WWOX: variants seen among roughly 807,000 people sequenced by gnomAD.
The protein encoded by WWOX is WW domain-containing oxidoreductase.
Under a neutral mutation model 46.2 loss-of-function variants are expected in WWOX, and 69 were observed. The observed-to-expected ratio is 1.49, with a 90% CI of 1.23 to 1.82. The LOEUF (loss-of-function observed/expected upper bound fraction) is 1.82. WWOX is among the 40% of genes most tolerant of loss of function. The probability of loss-of-function intolerance (pLI) is 0.00; values close to 1 mark genes in which losing one functional copy is unlikely to be tolerated. For missense variants in WWOX, 919 were observed against 542.6 expected (o/e 1.69, Z -6.89); for synonymous variants, 359 against 202.6 (o/e 1.77, Z -6.56).
At chr16:79,150,898 A>C (rs1431296099) in intron 8 of WWOX, among the ~76,000 whole-genome samples, 2 of 152,162 alleles carry the variant, frequency 1.3e-5, no homozygotes, top group African/African-American at 2.4e-5. Context: ...TCCAGATTCA[A>C]CCTGCAGGCC....
chr16:79,198,301 G>A (rs776955568), intron 8 of WWOX, among the ~76,000 whole-genome samples: 1 of 152,180 alleles, frequency 6.6e-6, no homozygotes, highest in African/African-American at 2.4e-5. Context: ...TTGCGCCACT[G>A]TACTCCAGCC....
At position 78,528,001 on chromosome 16, in the gene WWOX, T is replaced by G. The variant is rs561966719; in HGVS notation, c.1056+95249T>G. Among the ~76,000 whole-genome samples, 690 of 98,582 alleles carry G rather than the reference T, an allele frequency of 7.0e-3. 40 individuals are homozygous for G. The highest frequency in any genetic ancestry group is 0.027 in the African/African-American group (670 of 25,258). 64.7% of individuals were successfully genotyped at this position (98,582 alleles called of 152,430 possible). A position where few individuals can be genotyped will look rare whatever the true frequency, so the allele number is the denominator to read the frequency against. ...GGACTGGTACATGTCCTTTTTTTTT[T>G]TTTTTTTTTTTTTTTGAGACGGAGT... On this transcript the variant is annotated intron_variant, in intron 8 of 8. Coordinates refer to ENST00000566780, the MANE Select transcript of WWOX (RefSeq NM_016373.4).
At chr16:78,519,170 C>G (rs1486023303) in intron 8 of WWOX, among the ~76,000 whole-genome samples, 2 of 152,142 alleles carry the variant, frequency 1.3e-5, no homozygotes, top group Non-Finnish European at 2.9e-5. Flanking sequence ...CCTCAGGGAT[C>G]TCATCTCTAA....
intron 8 of WWOX, among the ~76,000 whole-genome samples, chr16:78,758,502 T>G (rs1303199724): frequency 6.6e-6 from 1 of 152,234 alleles, no homozygotes. Context: ...TTCCCCCAAG[T>G]GTGTTTCCCT....
intron 3 of WWOX, among the ~76,000 whole-genome samples, chr16:78,110,703 C>G (rs184914268): frequency 1.2e-3 from 176 of 152,202 alleles, no homozygotes; most frequent in Non-Finnish European, 2.2e-3. Context: ...TTCTAATCAT[C>G]TTGTATCTGT....
At chr16:79,079,614 G>C (rs1298194652) in intron 8 of WWOX, among the ~76,000 whole-genome samples, 1 of 152,148 alleles carries the variant, frequency 6.6e-6, no homozygotes, top group Non-Finnish European at 1.5e-5. Context: ...GTTCGGCTTT[G>C]ACCTGTCATT....
chr16:78,914,893 A>AG (rs1443777165), intron 8 of WWOX, among the ~76,000 whole-genome samples: 2 of 151,394 alleles, frequency 1.3e-5, no homozygotes, highest in African/African-American at 4.8e-5. Context: ...AAAAAAAAAA[A>AG]AAAAAAAAAA....
intron 8 of WWOX, among the ~76,000 whole-genome samples, chr16:78,789,335 G>T (rs569975948): frequency 6.6e-6 from 1 of 152,134 alleles, no homozygotes; most frequent in African/African-American, 2.4e-5. Context: ...TATAGTTTAA[G>T]GTAGGCATTC....
intron 8 of WWOX, among the ~76,000 whole-genome samples, chr16:78,774,508 G>C (rs1216392361): frequency 2.0e-5 from 1 of 49,228 alleles, no homozygotes; most frequent in African/African-American, 5.9e-5. Context: ...GTGTGTGTGT[G>C]TGTGTGTGTG....
At chr16:78,555,190 AT>A (rs1379592570) in intron 8 of WWOX, among the ~76,000 whole-genome samples, 1 of 148,184 alleles carries the variant, frequency 6.7e-6, no homozygotes, top group Non-Finnish European at 1.5e-5. Flanking sequence ...AAAAAAAAAA[AT>A]TCTAGTTTCT....
chr16:78,405,480 A>C (rs2082506150), intron 6 of WWOX, among the ~76,000 whole-genome samples: 1 of 152,174 alleles, frequency 6.6e-6, no homozygotes, highest in Admixed American at 6.5e-5. Context: ...ACCCAAGCTG[A>C]TACTGATTTT....
At chr16:78,900,804 A>G (rs2044812186) in intron 8 of WWOX, among the ~76,000 whole-genome samples, 1 of 151,810 alleles carries the variant, frequency 6.6e-6, no homozygotes, top group East Asian at 1.9e-4. Context: ...TTTTATTTGA[A>G]GGATATTAAA....
intron 5 of WWOX, among the ~76,000 whole-genome samples, chr16:78,271,463 C>G (rs987465800): frequency 3.9e-5 from 6 of 152,244 alleles, no homozygotes; most frequent in African/African-American, 1.4e-4. Context: ...TGGAATATCA[C>G]TGGGAATCTC....
intron 5 of WWOX, among the ~76,000 whole-genome samples, chr16:78,274,460 C>G (rs2079540711): frequency 6.6e-6 from 1 of 152,166 alleles, no homozygotes. Flanking sequence ...CCCGAAATTC[C>G]TGAATGAGTT....
intron 8 of WWOX, among the ~76,000 whole-genome samples, chr16:79,076,731 G>A (rs2150574654): frequency 6.6e-6 from 1 of 152,308 alleles, no homozygotes; most frequent in East Asian, 1.9e-4. Context: ...ACTGTGGTCG[G>A]GTTATTGGTA....
rs751626708 is a variant in WWOX at position 78,128,154 on chromosome 16, C to A, written c.409+13000C>A. Among the ~76,000 whole-genome samples the A allele has an allele frequency of 1.8e-4, 28 of 151,584 alleles. 1 individual carries two copies. The highest frequency in any genetic ancestry group is 5.9e-5 in the Non-Finnish European group (4 of 67,966). On this transcript the variant is annotated intron_variant, in intron 4 of 8. Transcript: ENST00000566780. ...GATGGAGGAAGAGAGTAATTTAATT[C>A]CTTAATGGAAAGAATAAAATAAGAG... is the stretch of plus-strand genomic sequence containing the variant.
chr16:78,890,382 C>A (rs1427470392), intron 8 of WWOX: 2 of 152,114 alleles, frequency 1.3e-5, no homozygotes, highest in African/African-American at 4.8e-5. Context: ...AATTTGACCT[C>A]CATCATTCTT....
chr16:78,929,902 C>T (rs926588058), intron 8 of WWOX, among the ~76,000 whole-genome samples: 2 of 152,092 alleles, frequency 1.3e-5, no homozygotes, highest in Non-Finnish European at 2.9e-5. Context: ...TTCTTAGAAG[C>T]AGAATTTTCT....
At chr16:78,965,234 C>G (rs770707563) in intron 8 of WWOX, among the ~76,000 whole-genome samples, 1 of 152,150 alleles carries the variant, frequency 6.6e-6, no homozygotes, top group African/African-American at 2.4e-5. Flanking sequence ...GTAACAATTC[C>G]ACAGAGATAG....
Sources: gnomAD v4.1 joint callset for allele counts (sites outside exome capture counted in the v4.1 genomes callset) on GRCh38, gnomAD v4.1.1 for gene constraint, MANE v1.5 for transcripts, NCBI Gene and HGNC (gene_info 2026-07-23, HGNC 2026-07-21) for gene names.